The following LETM1 variants were observed in gnomAD, a reference collection of about 807,000 sequenced individuals.
The protein encoded by LETM1 is leucine zipper and EF-hand containing transmembrane protein 1, also known as mitochondrial proton/calcium exchanger protein.
LETM1 carries 50 observed loss-of-function variants against 74.5 expected under a neutral mutation model. That is an observed-to-expected ratio of 0.67 (90% CI 0.53 to 0.85). The LOEUF (loss-of-function observed/expected upper bound fraction) is 0.85, where lower values mean the gene tolerates loss of function less well. Among genes scored for constraint, LETM1 ranks in the 40% least tolerant of loss-of-function variants. LETM1 has a pLI of 0.00. For synonymous variants in LETM1, 446 were observed against 407.1 expected, an observed-to-expected ratio of 1.10 and a Z score of -1.15; for missense variants, 824 against 967.8, an observed-to-expected ratio of 0.85 and a Z score of 1.97.
intron 6 of LETM1, among the ~76,000 whole-genome samples, chr4:1,830,938 G>T (rs758595617): frequency 3.9e-5 from 6 of 152,172 alleles, no homozygotes; most frequent in Non-Finnish European, 8.8e-5. Context: ...CACAGAGTTT[G>T]CAATTGATGA....
At chr4:1,815,293 C>T (rs535773111) in intron 13 of LETM1, among the ~76,000 whole-genome samples, 2 of 152,214 alleles carry the variant, frequency 1.3e-5, no homozygotes, top group South Asian at 2.1e-4. Context: ...CTTTGGGGGC[C>T]CCCGGCAGGT....
intron 2 of LETM1, among the ~76,000 whole-genome samples, chr4:1,846,180 G>C (rs1577326473): frequency 6.6e-6 from 1 of 151,906 alleles, no homozygotes; most frequent in Admixed American, 6.6e-5. Context: ...TTGATAAGTA[G>C]ACAAGTCCAT....
At position 1,814,383 on chromosome 4, in the gene LETM1, G is replaced by A; in HGVS notation, c.*41C>T. 2 of 1,613,562 alleles carry A rather than the reference G, an allele frequency of 1.2e-6. No individual in the cohort carries two copies. Among genetic ancestry groups the A allele is most frequent in the Non-Finnish European group, 1.7e-6 (2 of 1,179,466 alleles). On this transcript the variant is annotated 3_prime_UTR_variant, in exon 14 of 14. Transcript: ENST00000302787. ...AATCGCCCTCACGGCCCTTGCCAGG[G>A]TGACGGCACAGCAGGAGGACAGGTG...
intron 2 of LETM1, among the ~76,000 whole-genome samples, chr4:1,848,480 G>A (rs1285553133): frequency 1.3e-5 from 2 of 151,494 alleles, no homozygotes; most frequent in Admixed American, 1.3e-4. Flanking sequence ...CCCGGGAGGT[G>A]GATCTTGCAG....
chr4:1,839,437 AAGAGGGTGAAGGCATCGAG>A (rs1712608681), intron 3 of LETM1: 1 of 152,340 alleles, frequency 6.6e-6, no homozygotes, highest in Admixed American at 6.5e-5. Context: ...GCAAGGCATC[AAGAGGGTGAAGGCATCGAG>A]AGTGGGTGGA....
rs1327670408 is a variant in LETM1 at position 1,815,687 on chromosome 4, C to T, written c.2047G>A (p.Val683Ile). Residue 683 changes from valine to isoleucine, a missense_variant, in exon 13 of 14, where the codon GTC (valine) becomes ATC (isoleucine). Coordinates refer to ENST00000302787, the MANE Select transcript of LETM1 (RefSeq NM_012318.3). ...AALDENKDGK[V>I]NIDDLVKVIE... Reference sequence around the variant, plus strand: ...ACCTTGACGAGGTCGTCGATGTTGACCTTGCCATCCTTGTTTTCATCCAGT... The same window carrying T: ...ACCTTGACGAGGTCGTCGATGTTGATCTTGCCATCCTTGTTTTCATCCAGT... 6.2e-7 allele frequency: 1 copy of T among 1,614,126 alleles called. No homozygotes were observed. Among genetic ancestry groups the T allele is most frequent in the African/African-American group, 1.3e-5 (1 of 74,946 alleles).
At position 1,855,943 on chromosome 4, in the gene LETM1, G is replaced by C. The variant is rs1015073272; in HGVS notation, c.8C>G (p.Ser3Cys). Reference sequence around the variant, plus strand: ...GCCGCGGCAGCTCCTCAGTAAGATGGACGCCATGTGCTCGGGCGCGGCGGC... The same window carrying C: ...GCCGCGGCAGCTCCTCAGTAAGATGCACGCCATGTGCTCGGGCGCGGCGGC... MA[S>C]ILLRSCRGRA... is the part of the protein sequence containing the mutation. Residue 3 changes from serine to cysteine, a missense_variant, in exon 1 of 14, where the codon TCC becomes TGC. Physicochemically the swap from Ser to Cys is moderately radical, Grantham distance 112 (BLOSUM62 -1). This residue lies in a region of LETM1 where 222 missense variants were observed against 195.6 expected (regional missense o/e 1.14). Coordinates refer to ENST00000302787, the MANE Select transcript of LETM1 (RefSeq NM_012318.3). 2.0e-5 allele frequency: 25 copies of C among 1,224,270 alleles called. No individual in the cohort carries two copies. Among genetic ancestry groups the C allele is most frequent in the Admixed American group, 1.7e-4 (4 of 23,032 alleles). 75.8% of individuals were successfully genotyped at this position (1,224,270 alleles called of 1,614,324 possible). A position where few individuals can be genotyped will look rare whatever the true frequency, so the allele number is the denominator to read the frequency against.
chr4:1,846,508 T>G (rs7665031), intron 2 of LETM1: 151,353 of 152,332 alleles, frequency 0.99, 75,195 homozygotes, highest in East Asian at 1. Flanking sequence ...CTCGTGATCT[T>G]CCCGACTCAG....
At chr4:1,851,131 A>T (rs1713056947) in intron 1 of LETM1, among the ~76,000 whole-genome samples, 2 of 152,172 alleles carry the variant, frequency 1.3e-5, no homozygotes, top group Admixed American at 6.5e-5. Flanking sequence ...GCCCATTGTG[A>T]TCAAACTTCA....
chr4:1,840,370 C>T (rs1023240838), intron 3 of LETM1, among the ~76,000 whole-genome samples: 1 of 151,288 alleles, frequency 6.6e-6, no homozygotes, highest in Non-Finnish European at 1.5e-5. Flanking sequence ...GAGTGAGACT[C>T]TGCCTCAAAA....
At chr4:1,833,677 A>C (rs1185740910) in intron 5 of LETM1, 6 of 152,132 alleles carry the variant, frequency 3.9e-5, no homozygotes, top group Non-Finnish European at 8.8e-5. Context: ...AGTTCCTACC[A>C]CCTGAGGGAC....
At chr4:1,820,996 T>G (rs1413307661) in intron 10 of LETM1, among the ~76,000 whole-genome samples, 1 of 152,136 alleles carries the variant, frequency 6.6e-6, no homozygotes, top group Non-Finnish European at 1.5e-5. Context: ...CACTGCAGAC[T>G]GGGCAACAGA....
In LETM1 at chr4:1,834,349, G is replaced by A. The variant is rs957124182; in HGVS notation, c.876+496C>T. 27 of 980,524 alleles carry A rather than the reference G, an allele frequency of 2.8e-5. No individual in the cohort carries two copies. The highest frequency in any genetic ancestry group is 2.6e-4 in the African/African-American group (15 of 57,098). 60.7% of individuals were successfully genotyped at this position (980,524 alleles called of 1,614,324 possible). The stretch of plus-strand genomic sequence containing the variant: ...GGGATCTCGGTCCGTGGCAGCTGCC[G>A]TCTCCCCATCCTCACCTCACTCACC... On this transcript the variant is annotated intron_variant, in intron 5 of 13. Coordinates refer to ENST00000302787, the MANE Select transcript of LETM1 (RefSeq NM_012318.3). This position sits in a 1 kb window ranked among gnomAD's most constrained non-coding sequence, Gnocchi z 5.0.
Position 1,849,168 on chromosome 4 carries a change from G to A in LETM1, c.124C>T (p.Leu42=). ...DPAHLSCAST[L]GLRNCLNVPF... is the part of the protein sequence containing the mutation. ...ACTCACAGGCAGTTCCTCAACCCCA[G>A]GGTGCTGGCACAGCTGAGATGAGCA... Residue 42 remains leucine, a synonymous_variant, in exon 2 of 14, where the codon CTG becomes TTG. Coordinates refer to ENST00000302787, the MANE Select transcript of LETM1 (RefSeq NM_012318.3). 6.2e-7 allele frequency: 1 copy of A among 1,613,388 alleles called. No homozygotes were observed. Among genetic ancestry groups the A allele is most frequent in the Non-Finnish European group, 8.5e-7 (1 of 1,179,260 alleles).
intron 2 of LETM1, 108 bp downstream of exon 2, chr4:1,849,041 A>C: frequency 1.3e-6 from 1 of 756,248 alleles, no homozygotes; most frequent in Admixed American, 2.0e-5. Flanking sequence ...AGAACAGGAA[A>C]GTAGGATACA....
intron 11 of LETM1, 74 bp from the exon 12 acceptor site, chr4:1,816,988 G>A: frequency 3.2e-6 from 4 of 1,266,264 alleles, no homozygotes; most frequent in Non-Finnish European, 4.5e-6. Context: ...GCTCACGCCT[G>A]TAATCCCAGT....
intron 1 of LETM1, among the ~76,000 whole-genome samples, chr4:1,852,817 A>G (rs1713110706): frequency 6.6e-6 from 1 of 152,210 alleles, no homozygotes; most frequent in African/African-American, 2.4e-5. Context: ...ACTGCACTCC[A>G]GCCTGGGTGA....
chr4:1,813,013 C>T lies in LETM1; in HGVS notation c.*1411G>A, dbSNP rs558797916. 63 of 152,464 alleles carry T rather than the reference C, an allele frequency of 4.1e-4. No homozygotes were observed. The highest frequency in any genetic ancestry group is 3.9e-4 in the Admixed American group (6 of 15,296). The allele number at this position is 152,464 out of a possible 1,614,324, so 9.4% of individuals were successfully genotyped here. A position where few individuals can be genotyped will look rare whatever the true frequency, so the allele number is the denominator to read the frequency against. ...TCAAGGGTAAGTACACTTGGACAAA[C>T]GAACACCAGGCTACTTACACAGGGT... On this transcript the variant is annotated 3_prime_UTR_variant, in exon 14 of 14. Transcript: ENST00000302787.
chr4:1,816,617 G>A, intron 12 of LETM1, 110 bp downstream of exon 12: 1 of 1,047,710 alleles, frequency 9.5e-7, no homozygotes, highest in Non-Finnish European at 1.4e-6. Context: ...GCCAGGCAGA[G>A]GCTACAATGT....
Sources: gnomAD v4.1 joint callset for allele counts (sites outside exome capture counted in the v4.1 genomes callset) on GRCh38, gnomAD v4.1.1 for gene constraint, gnomAD v4.1.1 regional missense constraint, Gnocchi (gnomAD v3.1) non-coding constraint, MANE v1.5 for transcripts, NCBI Gene and HGNC (gene_info 2026-07-23, HGNC 2026-07-21) for gene names.